The following ASAP2 variants were observed in gnomAD, a reference collection of about 807,000 sequenced individuals.
ASAP2 encodes the protein ArfGAP with SH3 domain, ankyrin repeat and PH domain 2.
A neutral mutation model predicts 131.4 loss-of-function variants in ASAP2; 45 were observed. The ratio of observed to expected loss-of-function variants is 0.34; its 90% CI spans 0.27 to 0.44. The LOEUF is 0.44. Ranked by LOEUF, ASAP2 falls within the 20% of genes least tolerant of loss-of-function variation. The pLI is 1.00. For synonymous variants in ASAP2, 510 were observed against 503.0 expected, an observed-to-expected ratio of 1.01 and a Z score of -0.19; for missense variants, 1,011 against 1,297.0, an observed-to-expected ratio of 0.78 and a Z score of 3.39.
At chr2:9,298,734 C>T (rs566676080) in intron 3 of ASAP2, among the ~76,000 whole-genome samples, 3 of 152,296 alleles carry the variant, frequency 2.0e-5, no homozygotes, top group Admixed American at 2.0e-4. Context: ...CCATGGAGGG[C>T]GTCTCCTGGT....
At chr2:9,266,698 T>TA (rs1045856304) in intron 1 of ASAP2, among the ~76,000 whole-genome samples, 1 of 152,200 alleles carries the variant, frequency 6.6e-6, no homozygotes, top group Non-Finnish European at 1.5e-5. Flanking sequence ...AAAGAAGTGT[T>TA]TCTCTTATGT....
At chr2:9,390,392 G>T (rs11695817) in intron 22 of ASAP2, among the ~76,000 whole-genome samples, 128 of 152,238 alleles carry the variant, frequency 8.4e-4, no homozygotes, top group Middle Eastern at 3.4e-3. Flanking sequence ...CCTACAGGCC[G>T]TGCACAGCCT....
chr2:9,366,513 TG>T (rs1387025179), intron 15 of ASAP2, among the ~76,000 whole-genome samples: 2 of 152,228 alleles, frequency 1.3e-5, no homozygotes, highest in African/African-American at 4.8e-5. Context: ...GGTTCAGTCC[TG>T]GATCTGACAC....
intron 1 of ASAP2, among the ~76,000 whole-genome samples, chr2:9,213,096 C>G (rs995489826): frequency 6.6e-6 from 1 of 152,158 alleles, no homozygotes; most frequent in African/African-American, 2.4e-5. Flanking sequence ...GCAGTTGATA[C>G]GTGCTGTAAA....
At position 9,349,895 on chromosome 2, in the gene ASAP2, A is replaced by G. The variant is rs913377549; in HGVS notation, c.1024-913A>G. Among the ~76,000 whole-genome samples, 11 of 152,210 alleles carry G rather than the reference A, an allele frequency of 7.2e-5. No individual in the cohort carries two copies. The South Asian group carries it at 2.3e-3, about 32-fold the overall frequency. On this transcript the variant is annotated intron_variant, in intron 11 of 27. Coordinates refer to ENST00000281419, the MANE Select transcript of ASAP2 (RefSeq NM_003887.3). ...TTAATCCCAAATTCAGGTTTTTTTC[A>G]TCTTGAAGTGACCGGTGGCCAAGGG...
chr2:9,374,131 G>A (rs1400571208), intron 16 of ASAP2, among the ~76,000 whole-genome samples: 2 of 152,226 alleles, frequency 1.3e-5, no homozygotes, highest in Non-Finnish European at 2.9e-5. Flanking sequence ...TCCTGCTTCT[G>A]TAGGCTCTTT....
chr2:9,376,962 CTT>C lies in ASAP2; in HGVS notation c.1802_1803del (p.Leu601ProfsTer15). On this transcript the variant is annotated frameshift_variant, in exon 18 of 28. Transcript: ENST00000281419. LOFTEE classifies it high-confidence loss of function. ...LAVRSVDRTS[L>X]HIVDFLVQNS... is the part of the protein sequence containing the mutation. ...AGTCAGATCCGTGGATCGAACCTCT[CTT>C]CACATTGTAGACTTTTTAGTTCAGA... 6.2e-7 allele frequency: 1 copy of C among 1,614,142 alleles called. No individual in the cohort carries two copies. Among genetic ancestry groups the C allele is most frequent in the Non-Finnish European group, 8.5e-7 (1 of 1,180,012 alleles).
intron 15 of ASAP2, among the ~76,000 whole-genome samples, chr2:9,366,185 G>C (rs1355865426): frequency 6.6e-6 from 1 of 152,082 alleles, no homozygotes; most frequent in Non-Finnish European, 1.5e-5. Context: ...CTGCAAGGTA[G>C]CACGTTTCTC....
intron 11 of ASAP2, among the ~76,000 whole-genome samples, chr2:9,346,389 T>C (rs771819687): frequency 2.7e-5 from 4 of 147,558 alleles, no homozygotes; most frequent in Admixed American, 1.4e-4. Context: ...TGAGCCGATA[T>C]CACGCCACTG....
At chr2:9,352,242 CACACAA>C (rs1434066159) in intron 12 of ASAP2, among the ~76,000 whole-genome samples, 25 of 150,294 alleles carry the variant, frequency 1.7e-4, no homozygotes, top group African/African-American at 6.2e-4. Flanking sequence ...CACACACACA[CACACAA>C]ACACACACAC....
At chr2:9,290,269 G>A (rs1271847259) in intron 2 of ASAP2, among the ~76,000 whole-genome samples, 3 of 152,178 alleles carry the variant, frequency 2.0e-5, no homozygotes, top group African/African-American at 7.2e-5. Flanking sequence ...GTGCACAGTG[G>A]CACGATCTCG....
intron 14 of ASAP2, among the ~76,000 whole-genome samples, chr2:9,357,176 TA>T (rs563300721): frequency 2.8e-3 from 402 of 141,522 alleles, no homozygotes; most frequent in Middle Eastern, 7.1e-3. Flanking sequence ...TTGGATCCAT[TA>T]AAAAAAAAAA....
intron 20 of ASAP2, among the ~76,000 whole-genome samples, chr2:9,384,702 A>T (rs1282688191): frequency 2.0e-5 from 3 of 152,224 alleles, no homozygotes; most frequent in East Asian, 3.9e-4. Flanking sequence ...GGGAGGGGAC[A>T]TGGGGGTTCC....
chr2:9,237,951 T>C (rs949422708), intron 1 of ASAP2, among the ~76,000 whole-genome samples: 2 of 152,130 alleles, frequency 1.3e-5, no homozygotes, highest in African/African-American at 2.4e-5. Context: ...TAGAGGTGAG[T>C]GGCATTCTGT....
At chr2:9,285,032 A>AGT (rs1356975733) in intron 2 of ASAP2, among the ~76,000 whole-genome samples, 2 of 152,162 alleles carry the variant, frequency 1.3e-5, no homozygotes, top group Non-Finnish European at 2.9e-5. Flanking sequence ...AGCAACCCAC[A>AGT]GTGTGATGGT....
chr2:9,264,341 T>TG (rs898545818), intron 1 of ASAP2, among the ~76,000 whole-genome samples: 3 of 152,156 alleles, frequency 2.0e-5, no homozygotes, highest in East Asian at 1.9e-4. Context: ...TTCCAGAGAC[T>TG]GGGGGGGCCC....
At chr2:9,379,146 A>T in intron 19 of ASAP2, 87 bp downstream of exon 19, 2 of 926,548 alleles carry the variant, frequency 2.2e-6, no homozygotes, top group Non-Finnish European at 3.0e-6. Flanking sequence ...TCTTGGAAAC[A>T]GGGCCAACCC....
intron 3 of ASAP2, among the ~76,000 whole-genome samples, chr2:9,307,639 G>A (rs1349585007): frequency 6.6e-6 from 1 of 152,148 alleles, no homozygotes; most frequent in Non-Finnish European, 1.5e-5. Flanking sequence ...GGGGGCAGAG[G>A]GCCCAGTTTT....
chr2:9,350,202 T>TG (rs1356546856), intron 11 of ASAP2, among the ~76,000 whole-genome samples: 4 of 152,042 alleles, frequency 2.6e-5, no homozygotes, highest in South Asian at 2.1e-4. Flanking sequence ...GTGTCGTGTG[T>TG]GGGGGAGAGG....
Sources: allele counts gnomAD v4.1 joint callset (sites outside exome capture counted in the v4.1 genomes callset), GRCh38; gene constraint gnomAD v4.1.1; transcripts MANE v1.5; gene names NCBI Gene and HGNC (gene_info 2026-07-23, HGNC 2026-07-21).